DEF8: variants seen among roughly 807,000 people sequenced by gnomAD.
DEF8 encodes differentially expressed in FDCP 8 homolog.
DEF8 carries 38 observed loss-of-function variants against 59.1 expected under a neutral mutation model. The ratio of observed to expected loss-of-function variants is 0.64; its 90% CI spans 0.50 to 0.84. The LOEUF (loss-of-function observed/expected upper bound fraction) is 0.84, where lower values mean the gene tolerates loss of function less well. Ranked by LOEUF, DEF8 falls within the 40% of genes least tolerant of loss-of-function variation. The probability of loss-of-function intolerance (pLI) is 0.00; values close to 1 mark genes in which losing one functional copy is unlikely to be tolerated. For missense variants in DEF8, 557 were observed against 615.2 expected (o/e 0.91, Z 1.00); for synonymous variants, 265 against 250.1 (o/e 1.06, Z -0.56).
intron 2 of DEF8, chr16:89,950,451 C>T (rs1258637418): frequency 1.7e-6 from 1 of 589,950 alleles, no homozygotes; most frequent in African/African-American, 2.0e-5. Flanking sequence ...TGCAGTGGCA[C>T]AATCTCGGCT....
At chr16:89,950,856 C>G (rs1411868093) in intron 2 of DEF8, among the ~76,000 whole-genome samples, 1 of 152,160 alleles carries the variant, frequency 6.6e-6, no homozygotes, top group African/African-American at 2.4e-5. Flanking sequence ...GTGGCACACA[C>G]TGGAGTTCCA....
At position 89,954,096 on chromosome 16, in the gene DEF8, A is replaced by G. The variant is rs2032689785; in HGVS notation, c.-10-147A>G. 6 of 807,214 alleles carry G rather than the reference A, an allele frequency of 7.4e-6. No homozygotes were observed. The South Asian group carries it at 1.1e-4, about 15-fold the overall frequency. The allele number at this position is 807,214 out of a possible 1,614,324, so 50.0% of individuals were successfully genotyped here. On this transcript the variant is annotated intron_variant, in intron 2 of 12. Transcript: ENST00000563594. The surrounding 1 kb of genome is among the most constrained non-coding windows in gnomAD (Gnocchi z 4.3). ...GAGGTGTTTCAGGAAAAGGCTGAAGATCAAGGCTGTGGTGTGAGGACTACC... is the reference window on the plus strand; with the variant it reads ...GAGGTGTTTCAGGAAAAGGCTGAAGGTCAAGGCTGTGGTGTGAGGACTACC...
intron 2 of DEF8, among the ~76,000 whole-genome samples, chr16:89,951,837 C>T (rs915009362): frequency 1.3e-5 from 2 of 151,944 alleles, no homozygotes; most frequent in Non-Finnish European, 2.9e-5. Flanking sequence ...CACACACACA[C>T]ATATATATGT....
intron 6 of DEF8, among the ~76,000 whole-genome samples, 185 bp from the exon 7 acceptor site, chr16:89,960,746 C>G (rs930202941): frequency 6.6e-6 from 1 of 152,092 alleles, no homozygotes; most frequent in Non-Finnish European, 1.5e-5. Flanking sequence ...ACCTTTGGGG[C>G]AAGGCTCAGG....
intron 4 of DEF8, among the ~76,000 whole-genome samples, chr16:89,955,639 G>C (rs2033038206): frequency 6.6e-6 from 1 of 152,206 alleles, no homozygotes; most frequent in African/African-American, 2.4e-5. Context: ...GAGAGTCAGG[G>C]TGTGGGAGGC....
Position 89,961,996 on chromosome 16 carries a change from C to A in DEF8, c.808-16C>A, listed in dbSNP as rs375074850. 6.2e-7 allele frequency: 1 copy of A among 1,613,288 alleles called. No homozygotes were observed. On this transcript the variant is annotated splice_polypyrimidine_tract_variant and intron_variant, in intron 8 of 12. Transcript: ENST00000563594. Reference sequence around the variant, plus strand: ...CTGGGTGGGTGTGAGAGGTGTCACCCGGCCGTGCCTGGCAGGTTTCTCGCT... The same window carrying A: ...CTGGGTGGGTGTGAGAGGTGTCACCAGGCCGTGCCTGGCAGGTTTCTCGCT...
At chr16:89,957,103 C>G (rs898517370) in intron 4 of DEF8, 1 of 158,664 alleles carries the variant, frequency 6.3e-6, no homozygotes, top group African/African-American at 2.4e-5. Context: ...TGTGCTTGGG[C>G]TTGGCAGTCA....
At chr16:89,949,769 A>C in intron 2 of DEF8, 1 of 892,338 alleles carries the variant, frequency 1.1e-6, no homozygotes, top group Non-Finnish European at 1.7e-6. Context: ...TGGGCTCTAG[A>C]GGAGGGGCAG....
At chr16:89,949,912 C>T (rs909721931) in intron 2 of DEF8, among the ~76,000 whole-genome samples, 3 of 152,166 alleles carry the variant, frequency 2.0e-5, no homozygotes, top group African/African-American at 4.8e-5. Context: ...TGCTCAGAGT[C>T]GGCCACTGTG....
At chr16:89,961,916 G>A (rs1457109882) in intron 8 of DEF8, 52 bp downstream of exon 8, 5 of 1,600,476 alleles carry the variant, frequency 3.1e-6, no homozygotes, top group South Asian at 2.2e-5. Context: ...GCAGGAAGGG[G>A]GTTGGGGTGT....
chr16:89,952,556 A>C (rs2032365346), intron 2 of DEF8: 1 of 152,254 alleles, frequency 6.6e-6, no homozygotes, highest in African/African-American at 2.4e-5. Flanking sequence ...CTCCTCATTC[A>C]GGAAGAAGGA....
At position 89,957,474 on chromosome 16, in the gene DEF8, A is replaced by G. The variant is rs749246062; in HGVS notation, c.223-37A>G. On this transcript the variant is annotated intron_variant, in intron 4 of 12. Coordinates refer to ENST00000563594, the MANE Select transcript of DEF8 (RefSeq NM_001242818.2). ...GGCCTTAACAGGGAGCTCCTGCAGG[A>G]TGGGCCTTTGACTGCCCCCGCCCCC... 11 of 1,551,836 alleles carry G rather than the reference A, an allele frequency of 7.1e-6. No individual in the cohort carries two copies. The East Asian group carries it at 2.2e-4, about 31-fold the overall frequency.
rs142498575 is a variant in DEF8, at chr16:89,954,357, C to T, written c.105C>T (p.Val35=). The T allele has an allele frequency of 1.9e-6, 3 of 1,613,600 alleles. No individual in the cohort carries two copies. In the African/African-American group the frequency reaches 4.0e-5, roughly 22 times the overall value. The change falls in exon 3 of 13, where the codon GTC becomes GTT. Residue 35 remains valine (V), a synonymous_variant. Coordinates refer to ENST00000563594, the MANE Select transcript of DEF8 (RefSeq NM_001242818.2). This position sits in a 1 kb window ranked among gnomAD's most constrained non-coding sequence, Gnocchi z 4.3. ...ATGAGCAGGGCCCTGGGGAGGAGGT[C>T]CCGGACGTCACTCCTGAAGGTGGGT... ...RQHEQGPGEE[V]PDVTPEEALP... is the part of the protein sequence containing the mutation.
rs371278198 is a variant in DEF8 at position 89,964,596 on chromosome 16, G to A, written c.1253+21G>A. On this transcript the variant is annotated intron_variant, in intron 12 of 12. Transcript: ENST00000563594. Reference sequence around the variant, plus strand: ...CACAGGTGGGTGTGGCCTGGGCCCCGCACTCGGGGGCTGGGGCTCTGCGCT... The same window carrying A: ...CACAGGTGGGTGTGGCCTGGGCCCCACACTCGGGGGCTGGGGCTCTGCGCT... The A allele has an allele frequency of 4.1e-5, 62 of 1,528,686 alleles. No individual in the cohort carries two copies. The South Asian group carries it at 4.1e-4, about 10-fold the overall frequency. The allele number at this position is 1,528,686 out of a possible 1,614,324, so 94.7% of individuals were successfully genotyped here.
chr16:89,964,828 T>C (rs2034470357), intron 12 of DEF8, among the ~76,000 whole-genome samples: 1 of 152,220 alleles, frequency 6.6e-6, no homozygotes, highest in Non-Finnish European at 1.5e-5. Context: ...CCCAGGTCCC[T>C]CCCGGACCAG....
Position 89,963,238 on chromosome 16 carries a change from A to G in DEF8, c.922-125A>G, listed in dbSNP as rs1188047361. On this transcript the variant is annotated intron_variant, in intron 9 of 12. Coordinates refer to ENST00000563594, the MANE Select transcript of DEF8 (RefSeq NM_001242818.2). ...GATTTTGGGTTTTGGTGAAGCACTC[A>G]GATCTCGGCCCTTCGTGGGGAACCA... The G allele has an allele frequency of 5.8e-6, 4 of 694,136 alleles. No homozygotes were observed. The East Asian group carries it at 8.8e-5, about 15-fold the overall frequency. 43.0% of individuals were successfully genotyped at this position (694,136 alleles called of 1,614,324 possible). A position where few individuals can be genotyped will look rare whatever the true frequency, so the allele number is the denominator to read the frequency against.
At chr16:89,950,540 A>T (rs2031840448) in intron 2 of DEF8, among the ~76,000 whole-genome samples, 1 of 152,030 alleles carries the variant, frequency 6.6e-6, no homozygotes, top group African/African-American at 2.4e-5. Flanking sequence ...GGCATGCACC[A>T]CCATGCCCAG....
At chr16:89,959,345 GA>G in intron 6 of DEF8, 190 bp downstream of exon 6, 1 of 1,439,266 alleles carries the variant, frequency 6.9e-7, no homozygotes, top group Non-Finnish European at 9.1e-7. Flanking sequence ...TTCTGGATGA[GA>G]AATTAAACTA....
At position 89,965,691 on chromosome 16, in the gene DEF8, C is replaced by T. The variant is rs1307171703; in HGVS notation, c.1254-170C>T. 7.2e-5 allele frequency among the ~76,000 whole-genome samples: 11 copies of T among 152,258 alleles called. No homozygotes were observed. The South Asian group carries it at 8.3e-4, about 11-fold the overall frequency. On this transcript the variant is annotated intron_variant, in intron 12 of 12. Coordinates refer to ENST00000563594, the MANE Select transcript of DEF8 (RefSeq NM_001242818.2). ...CCCTGGAGGTCCACATCTGCACGCC[C>T]GTAAGCGCTCTGCACACGGCCATAC...
Sources: gnomAD v4.1 joint callset for allele counts (sites outside exome capture counted in the v4.1 genomes callset) on GRCh38, gnomAD v4.1.1 for gene constraint, Gnocchi (gnomAD v3.1) non-coding constraint, MANE v1.5 for transcripts, NCBI Gene and HGNC (gene_info 2026-07-23, HGNC 2026-07-21) for gene names.